Variants in DISP1 observed in about 807,000 individuals in gnomAD.
The protein encoded by DISP1 is dispatched RND transporter family member 1, also known as protein dispatched homolog 1.
In DISP1, 30 loss-of-function variants were observed where a neutral mutation model predicts 37.3. That is an observed-to-expected ratio of 0.80 (90% CI 0.60 to 1.09). The LOEUF (loss-of-function observed/expected upper bound fraction) is 1.09, where lower values mean the gene tolerates loss of function less well. Among genes scored for constraint, DISP1 ranks in the 50% least tolerant of loss-of-function variants. The pLI is 0.00. For missense variants in DISP1, 1,598 were observed against 1,879.5 expected, an observed-to-expected ratio of 0.85 and a Z score of 2.77; for synonymous variants, 634 against 690.2, an observed-to-expected ratio of 0.92 and a Z score of 1.28.
At chr1:222,886,502 A>G (rs1317429420) in intron 1 of DISP1, among the ~76,000 whole-genome samples, 1 of 152,188 alleles carries the variant, frequency 6.6e-6, no homozygotes, top group Non-Finnish European at 1.5e-5. Flanking sequence ...TCTCCCTGGT[A>G]ATAATACCTA....
At chr1:222,952,837 CTG>C (rs1164430241) in intron 3 of DISP1, among the ~76,000 whole-genome samples, 1 of 151,990 alleles carries the variant, frequency 6.6e-6, no homozygotes, top group African/African-American at 2.4e-5. Flanking sequence ...CAGAGGGAGA[CTG>C]TCTAAAAACA....
chr1:222,875,448 T>C (rs1344974641), intron 1 of DISP1, among the ~76,000 whole-genome samples: 1 of 152,080 alleles, frequency 6.6e-6, no homozygotes, highest in Non-Finnish European at 1.5e-5. Flanking sequence ...TTTTGGCTTT[T>C]TTCCCCCCTT....
At position 222,936,527 on chromosome 1, in the gene DISP1, G is replaced by C. The variant is rs112270600; in HGVS notation, c.-17-6280G>C. ...CTTTACATTTCAGTATGATGGAAAT[G>C]TCTCTCTCTCTCTCTATATATATAT... On this transcript the variant is annotated intron_variant, in intron 2 of 8. Transcript: ENST00000675850. 4.7e-3 allele frequency among the ~76,000 whole-genome samples: 465 copies of C among 99,144 alleles called. 3 individuals carry two copies. Among genetic ancestry groups the C allele is most frequent in the African/African-American group, 0.015 (413 of 28,286 alleles). 65.0% of individuals were successfully genotyped at this position (99,144 alleles called of 152,430 possible). A position where few individuals can be genotyped will look rare whatever the true frequency, so the allele number is the denominator to read the frequency against.
chr1:222,879,411 G>A (rs1422931346), intron 1 of DISP1, among the ~76,000 whole-genome samples: 1 of 152,110 alleles, frequency 6.6e-6, no homozygotes, highest in Non-Finnish European at 1.5e-5. Flanking sequence ...ATGAGGAAAT[G>A]AATGAAATAT....
In DISP1 at chr1:223,005,100, T is replaced by C; in HGVS notation, c.3703T>C (p.Tyr1235His). ...TTTAGGGATGCCTGTGCATGCAGCT[T>C]ACAACAGTGAACTCAGCAAAAGCAC... is the stretch of plus-strand genomic sequence containing the variant. ...KNLGMPVHAA[Y>H]NSELSKSTES... Residue 1235 changes from tyrosine (Y) to histidine (H), a missense_variant, in exon 9 of 9, where the codon TAC becomes CAC. By Grantham distance (83) the Tyr-to-His change is moderately conservative. Coordinates refer to ENST00000675850, the MANE Select transcript of DISP1 (RefSeq NM_001377229.1). The C allele has an allele frequency of 2.5e-6, 4 of 1,614,216 alleles. No homozygotes were observed. In the African/African-American group the frequency reaches 4.0e-5, roughly 16 times the overall value.
intron 3 of DISP1, among the ~76,000 whole-genome samples, chr1:222,946,858 C>T (rs79038521): frequency 0.075 from 11,435 of 151,970 alleles, 516 homozygotes; most frequent in South Asian, 0.18. Flanking sequence ...ATGGCTGGAC[C>T]CTAGTGGAAG....
intron 4 of DISP1, among the ~76,000 whole-genome samples, chr1:222,989,093 TAA>T (rs1678492425): frequency 6.9e-6 from 1 of 145,410 alleles, no homozygotes; most frequent in African/African-American, 2.9e-5. Flanking sequence ...TCAATAAAGT[TAA>T]GACATCAGAT....
intron 1 of DISP1, among the ~76,000 whole-genome samples, chr1:222,896,180 A>G (rs1040877809): frequency 7.9e-5 from 12 of 152,258 alleles, no homozygotes; most frequent in Middle Eastern, 3.4e-3. Flanking sequence ...ATGGTGATGC[A>G]TGCCTGTGGT....
intron 1 of DISP1, among the ~76,000 whole-genome samples, chr1:222,911,987 CA>C (rs1344733666): frequency 6.6e-6 from 1 of 152,066 alleles, no homozygotes; most frequent in Non-Finnish European, 1.5e-5. Context: ...TGGTGGATGC[CA>C]GCTTAAAGAA....
intron 3 of DISP1, among the ~76,000 whole-genome samples, chr1:222,970,003 A>G (rs1676817822): frequency 6.6e-6 from 1 of 152,242 alleles, no homozygotes; most frequent in African/African-American, 2.4e-5. Flanking sequence ...AATTTTTAGA[A>G]TGAAAAAAGA....
At chr1:222,986,869 C>A (rs1678311857) in intron 4 of DISP1, among the ~76,000 whole-genome samples, 1 of 151,948 alleles carries the variant, frequency 6.6e-6, no homozygotes, top group Non-Finnish European at 1.5e-5. Context: ...CAGAGGTGGG[C>A]CACATTTACA....
chr1:222,972,544 C>A (rs1240933579), intron 3 of DISP1, among the ~76,000 whole-genome samples: 1 of 152,156 alleles, frequency 6.6e-6, no homozygotes, highest in African/African-American at 2.4e-5. Context: ...AAGTTGTGAT[C>A]CTCACTAGTC....
intron 8 of DISP1, among the ~76,000 whole-genome samples, chr1:222,998,963 C>A (rs945537436): frequency 6.6e-6 from 1 of 152,116 alleles, no homozygotes; most frequent in Non-Finnish European, 1.5e-5. Context: ...GTTGGTTACG[C>A]GTGGAGGAGG....
chr1:222,849,901 A>G (rs1034172228), intron 1 of DISP1, among the ~76,000 whole-genome samples: 1 of 152,176 alleles, frequency 6.6e-6, no homozygotes, highest in African/African-American at 2.4e-5. Context: ...TGTCTTCAGA[A>G]GGAACACAAA....
At chr1:222,936,638 A>ATGAGATATATATATCTCTCATATATATG in intron 2 of DISP1, among the ~76,000 whole-genome samples, 1 of 112,442 alleles carries the variant, frequency 8.9e-6, no homozygotes, top group Non-Finnish European at 1.7e-5. Context: ...TCTCATATAT[A>ATGAGATATATATATCTCTCATATATATG]TGAGATATAT....
intron 1 of DISP1, among the ~76,000 whole-genome samples, chr1:222,919,154 CCTTT>C (rs1672664507): frequency 6.6e-6 from 1 of 152,126 alleles, no homozygotes; most frequent in Non-Finnish European, 1.5e-5. Flanking sequence ...CCTGCAATTG[CCTTT>C]CTTAATTAAT....
In DISP1 at chr1:222,942,822, G is replaced by A; in HGVS notation, c.-2G>A. 1.9e-6 allele frequency: 3 copies of A among 1,614,150 alleles called. No individual in the cohort carries two copies. The highest frequency in any genetic ancestry group is 2.5e-6 in the Non-Finnish European group (3 of 1,180,024). On this transcript the variant is annotated 5_prime_UTR_variant, in exon 3 of 9. Coordinates refer to ENST00000675850, the MANE Select transcript of DISP1 (RefSeq NM_001377229.1). ...TCTTACTTAGAGTCAAGAAATTGGA[G>A]CATGGCTATGAGCAATGGAAACAAT... is the stretch of plus-strand genomic sequence containing the variant.
At chr1:222,824,744 G>T (rs1002133207) in intron 1 of DISP1, among the ~76,000 whole-genome samples, 1 of 152,096 alleles carries the variant, frequency 6.6e-6, no homozygotes, top group Non-Finnish European at 1.5e-5. Flanking sequence ...AGTTAATGGT[G>T]GGGGGCTATT....
chr1:222,841,616 AT>A (rs1482026145), intron 1 of DISP1, among the ~76,000 whole-genome samples: 1 of 152,156 alleles, frequency 6.6e-6, no homozygotes, highest in African/African-American at 2.4e-5. Flanking sequence ...GGCTTTTGTT[AT>A]TTATAGTAAA....
Sources: allele counts gnomAD v4.1 joint callset (sites outside exome capture counted in the v4.1 genomes callset), GRCh38; gene constraint gnomAD v4.1.1; transcripts MANE v1.5; gene names NCBI Gene and HGNC (gene_info 2026-07-23, HGNC 2026-07-21).